FGGY: variants seen among roughly 807,000 people sequenced by gnomAD.
FGGY encodes the protein FGGY carbohydrate kinase domain-containing protein.
A neutral mutation model predicts 71.3 loss-of-function variants in FGGY; 72 were observed. The ratio of observed to expected loss-of-function variants is 1.01; its 90% CI spans 0.84 to 1.23. The LOEUF is 1.23. Among genes scored for constraint, FGGY ranks in the 50% most tolerant of loss-of-function variants. The probability of loss-of-function intolerance (pLI) is 0.00; values close to 1 mark genes in which losing one functional copy is unlikely to be tolerated. For missense variants in FGGY, 668 were observed against 682.3 expected (o/e 0.98, Z 0.23); for synonymous variants, 251 against 250.3 (o/e 1.00, Z -0.02).
intron 14 of FGGY, among the ~76,000 whole-genome samples, chr1:59,689,751 A>G (rs537939365): frequency 1.3e-5 from 2 of 152,250 alleles, no homozygotes; most frequent in East Asian, 1.9e-4. Flanking sequence ...ACTACAGTTC[A>G]TTTGTGTATA....
chr1:59,424,018 A>T (rs2153449071), intron 5 of FGGY, among the ~76,000 whole-genome samples: 1 of 152,338 alleles, frequency 6.6e-6, no homozygotes, highest in African/African-American at 2.4e-5. Flanking sequence ...AGTACTTACT[A>T]CATAGGCCAC....
intron 8 of FGGY, among the ~76,000 whole-genome samples, chr1:59,561,884 CA>C (rs1428167663): frequency 6.6e-6 from 1 of 152,176 alleles, no homozygotes; most frequent in African/African-American, 2.4e-5. Flanking sequence ...AAGGGCCAAA[CA>C]TGAGCAAATG....
chr1:59,454,737 TG>T (rs1052475535), intron 5 of FGGY, among the ~76,000 whole-genome samples: 1 of 152,216 alleles, frequency 6.6e-6, no homozygotes, highest in African/African-American at 2.4e-5. Context: ...TGTTAGTATA[TG>T]ATTTTAGTTG....
intron 5 of FGGY, among the ~76,000 whole-genome samples, chr1:59,427,453 C>T (rs944370384): frequency 3.3e-5 from 5 of 152,108 alleles, no homozygotes; most frequent in African/African-American, 4.8e-5. Context: ...GTTACCTTGC[C>T]GTCTCCTCCT....
At chr1:59,450,837 C>CT (rs1294729083) in intron 5 of FGGY, among the ~76,000 whole-genome samples, 3 of 151,862 alleles carry the variant, frequency 2.0e-5, no homozygotes, top group Non-Finnish European at 2.9e-5. Context: ...TACTTTGATA[C>CT]TTATATTGTC....
At chr1:59,750,399 TTTAAA>T (rs143784728) in intron 14 of FGGY, among the ~76,000 whole-genome samples, 6,850 of 152,222 alleles carry the variant, frequency 0.045, 242 homozygotes, top group East Asian at 0.13. Context: ...TTTTGCAAAC[TTTAAA>T]TTGAGATATA....
intron 13 of FGGY, 51 bp from the exon 14 acceptor site, chr1:59,673,988 A>C (rs1572986567): frequency 6.4e-7 from 1 of 1,555,374 alleles, no homozygotes; most frequent in East Asian, 2.3e-5. Context: ...TTGGCTCCTC[A>C]CACTCCCCTG....
chr1:59,698,936 A>G (rs964495630), intron 14 of FGGY: 1 of 985,360 alleles, frequency 1.0e-6, no homozygotes, highest in African/African-American at 1.7e-5. Flanking sequence ...GCAGCCAGGT[A>G]TTATTTAATA....
chr1:59,462,517 A>C lies in FGGY; in HGVS notation c.670+5441A>C, dbSNP rs546264332. 2.0e-5 allele frequency among the ~76,000 whole-genome samples: 3 copies of C among 152,324 alleles called. No homozygotes were observed. In the South Asian group the frequency reaches 6.2e-4, roughly 32 times the overall value. On this transcript the variant is annotated intron_variant, in intron 6 of 15. Coordinates refer to ENST00000303721, the MANE Select transcript of FGGY (RefSeq NM_018291.5). ...AAAAGAAACTACCATCAGAGTGAACAGGCAACCCACAAAATGGCAGAAAAT... is the reference window on the plus strand; with the variant it reads ...AAAAGAAACTACCATCAGAGTGAACCGGCAACCCACAAAATGGCAGAAAAT...
intron 7 of FGGY, among the ~76,000 whole-genome samples, chr1:59,515,195 A>G (rs2094611177): frequency 1.3e-5 from 2 of 152,300 alleles, no homozygotes; most frequent in Admixed American, 6.5e-5. Context: ...CTGGAGTCAA[A>G]GGAGGTCATT....
intron 7 of FGGY, among the ~76,000 whole-genome samples, chr1:59,534,739 T>A (rs1484992755): frequency 4.0e-5 from 6 of 150,562 alleles, no homozygotes; most frequent in African/African-American, 1.5e-4. Context: ...CTAAGCTTCA[T>A]AAGTGAAGGA....
chr1:59,336,626 A>G (rs1465431408), intron 2 of FGGY, among the ~76,000 whole-genome samples: 1 of 151,988 alleles, frequency 6.6e-6, no homozygotes. Flanking sequence ...GTATTTGTCC[A>G]ATGCTCTCCC....
intron 14 of FGGY, among the ~76,000 whole-genome samples, chr1:59,720,421 GC>G (rs1375810447): frequency 6.6e-6 from 1 of 152,188 alleles, no homozygotes; most frequent in Non-Finnish European, 1.5e-5. Context: ...GCCTACATGT[GC>G]AAAATGAAAT....
intron 5 of FGGY, among the ~76,000 whole-genome samples, chr1:59,381,393 A>T (rs1010894502): frequency 6.6e-6 from 1 of 152,136 alleles, no homozygotes; most frequent in Admixed American, 6.6e-5. Context: ...CGGTATGGCC[A>T]TTTTCACAAT....
At chr1:59,590,948 G>T (rs1449565886) in intron 8 of FGGY, among the ~76,000 whole-genome samples, 3 of 152,166 alleles carry the variant, frequency 2.0e-5, no homozygotes, top group Non-Finnish European at 4.4e-5. Context: ...GGGCAATTAG[G>T]CAGGAGAAGG....
chr1:59,328,893 G>A (rs1046459705), intron 2 of FGGY, among the ~76,000 whole-genome samples: 5 of 151,970 alleles, frequency 3.3e-5, no homozygotes, highest in African/African-American at 7.2e-5. Flanking sequence ...AAGTTTGCCC[G>A]TCTTATATGG....
intron 5 of FGGY, among the ~76,000 whole-genome samples, chr1:59,410,297 C>T (rs531594511): frequency 5.3e-5 from 8 of 152,116 alleles, no homozygotes; most frequent in East Asian, 1.9e-4. Context: ...GTACTAGGCA[C>T]GGTACTTGGT....
chr1:59,658,519 A>G (rs1029008843), intron 11 of FGGY, among the ~76,000 whole-genome samples: 2 of 152,248 alleles, frequency 1.3e-5, no homozygotes. Flanking sequence ...CAACAGACTT[A>G]GATAAATAAT....
At chr1:59,607,572 A>T (rs979205071) in intron 8 of FGGY, among the ~76,000 whole-genome samples, 1 of 152,184 alleles carries the variant, frequency 6.6e-6, no homozygotes, top group African/African-American at 2.4e-5. Flanking sequence ...GAAACACCTT[A>T]TCAGTTTCTT....
Sources: gnomAD v4.1 joint callset for allele counts (sites outside exome capture counted in the v4.1 genomes callset) on GRCh38, gnomAD v4.1.1 for gene constraint, MANE v1.5 for transcripts, NCBI Gene and HGNC (gene_info 2026-07-23, HGNC 2026-07-21) for gene names.